The following UTRN variants were observed in gnomAD, a reference collection of about 807,000 sequenced individuals.
The protein encoded by UTRN is utrophin.
Under a neutral mutation model 463.9 loss-of-function variants are expected in UTRN, and 283 were observed. The observed-to-expected ratio is 0.61, with a 90% CI of 0.55 to 0.67. The LOEUF (loss-of-function observed/expected upper bound fraction) is 0.67, where lower values mean the gene tolerates loss of function less well. Among genes scored for constraint, UTRN ranks in the 30% least tolerant of loss-of-function variants. UTRN has a pLI of 0.00. For missense variants in UTRN, 3,922 were observed against 4,084.3 expected (o/e 0.96, Z 1.08); for synonymous variants, 1,442 against 1,431.5 (o/e 1.01, Z -0.17).
chr6:144,700,217 T>G lies in UTRN; in HGVS notation c.7783T>G (p.Leu2595Val), dbSNP rs754752655. Residue 2595 changes from leucine to valine, a missense_variant, in exon 53 of 75, where the codon TTA becomes GTA. This residue lies in a region of UTRN where 1,309 missense variants were observed against 1,452.6 expected (regional missense o/e 0.90). Coordinates refer to ENST00000367545, the MANE Select transcript of UTRN (RefSeq NM_007124.3). ...QMPIGGDVPA[L>V]QLQYDHCKAL... ...GCCTATTGGAGGAGATGTTCCAGCC[T>G]TACAGCTCCAGTATGACCATTGTAA... 3 of 1,613,362 alleles carry G rather than the reference T, an allele frequency of 1.9e-6. No homozygotes were observed. The South Asian group carries it at 3.3e-5, about 18-fold the overall frequency.
intron 23 of UTRN, among the ~76,000 whole-genome samples, chr6:144,465,731 TTATAATAAATATTTATTTG>T (rs1789891067): frequency 6.6e-6 from 1 of 152,168 alleles, no homozygotes; most frequent in African/African-American, 2.4e-5. Flanking sequence ...TATTAGATAA[TTATAATAAATATTTATTTG>T]CAGATTATCA....
chr6:144,423,425 A>G, intron 4 of UTRN, 124 bp from the exon 5 acceptor site: 1 of 908,062 alleles, frequency 1.1e-6, no homozygotes, highest in Admixed American at 2.1e-5. Flanking sequence ...GACCTCAGCC[A>G]GATCTCCTGC....
intron 2 of UTRN, among the ~76,000 whole-genome samples, chr6:144,397,579 G>A (rs189238382): frequency 1.3e-5 from 2 of 152,076 alleles, no homozygotes; most frequent in East Asian, 3.9e-4. Flanking sequence ...AGATGTTATA[G>A]CCCTCTGTGT....
intron 74 of UTRN, 40 bp from the exon 75 acceptor site, chr6:144,850,949 T>C (rs1782442099): frequency 6.2e-7 from 1 of 1,613,104 alleles, no homozygotes; most frequent in African/African-American, 1.3e-5. Flanking sequence ...CTGTAATGTT[T>C]TGTGCAAATT....
At chr6:144,440,253 C>T (rs1787016689) in intron 12 of UTRN, 99 bp from the exon 13 acceptor site, 18 of 1,201,844 alleles carry the variant, frequency 1.5e-5, no homozygotes, top group Non-Finnish European at 2.2e-5. Flanking sequence ...AAATATGATG[C>T]CTCATTAACT....
rs575850879 is a variant in UTRN, at chr6:144,585,584, T to A, written c.7479+8296T>A. Reference sequence around the variant, plus strand: ...AAGTTATTGAGCTATATTAATGTAATGAAATGAAAATTTAGTTGTAGACTT... The same window carrying A: ...AAGTTATTGAGCTATATTAATGTAAAGAAATGAAAATTTAGTTGTAGACTT... On this transcript the variant is annotated intron_variant, in intron 51 of 74. Transcript: ENST00000367545. Among the ~76,000 whole-genome samples the A allele has an allele frequency of 2.0e-5, 3 of 152,270 alleles. No homozygotes were observed. In the South Asian group the frequency reaches 6.2e-4, roughly 32 times the overall value.
At chr6:144,386,394 G>A (rs933659873) in intron 2 of UTRN, among the ~76,000 whole-genome samples, 4 of 152,168 alleles carry the variant, frequency 2.6e-5, no homozygotes, top group African/African-American at 9.7e-5. Flanking sequence ...GGAAGTTGAA[G>A]GCTGCAGTGA....
chr6:144,542,644 G>C, intron 45 of UTRN, 151 bp from the exon 46 acceptor site: 1 of 688,606 alleles, frequency 1.5e-6, no homozygotes. Context: ...AAACAAGATT[G>C]CAATGGAGAG....
Position 144,577,117 on chromosome 6 carries a change from C to T in UTRN, c.7308C>T (p.Asn2436=), listed in dbSNP as rs142302124. 1.5e-5 allele frequency: 24 copies of T among 1,613,382 alleles called. No homozygotes were observed. The highest frequency in any genetic ancestry group is 1.7e-4 in the Middle Eastern group (1 of 6,042). ...CTTTCAGTATTGCTGACAGACAGAA[C>T]GCCTTGGAGGCTGAGTGGAGGACGG... The part of the protein sequence containing the change: ...NLKQSIADRQ[N]ALEAEWRTVQ... Residue 2436 remains asparagine (N), a synonymous_variant, in exon 51 of 75, where the codon AAC becomes AAT. Transcript: ENST00000367545.
intron 41 of UTRN, among the ~76,000 whole-genome samples, chr6:144,526,459 G>A (rs1562526848): frequency 6.6e-6 from 1 of 152,038 alleles, no homozygotes; most frequent in Non-Finnish European, 1.5e-5. Context: ...TTTAACTGCT[G>A]TTGCTTTAAA....
At chr6:144,825,737 A>C (rs1233162735) in intron 66 of UTRN, among the ~76,000 whole-genome samples, 1 of 152,174 alleles carries the variant, frequency 6.6e-6, no homozygotes, top group East Asian at 1.9e-4. Flanking sequence ...TAATCTCTTA[A>C]GCAGTTACTG....
At chr6:144,627,089 G>T (rs1776021478) in intron 51 of UTRN, among the ~76,000 whole-genome samples, 1 of 151,378 alleles carries the variant, frequency 6.6e-6, no homozygotes, top group Non-Finnish European at 1.5e-5. Flanking sequence ...GTGTGTGTGT[G>T]TGCACTACGC....
At chr6:144,328,296 G>T (rs1776107066) in intron 2 of UTRN, among the ~76,000 whole-genome samples, 1 of 152,016 alleles carries the variant, frequency 6.6e-6, no homozygotes, top group Non-Finnish European at 1.5e-5. Context: ...GGGTTGGTTA[G>T]AACTGGGCTT....
rs112079433 is a variant in UTRN at position 144,367,255 on chromosome 6, G to C, written c.80-35868G>C. Among the ~76,000 whole-genome samples the C allele has an allele frequency of 4.3e-3, 655 of 151,878 alleles. 5 individuals carry two copies. Among genetic ancestry groups the C allele is most frequent in the African/African-American group, 0.014 (595 of 41,420 alleles). On this transcript the variant is annotated intron_variant, in intron 2 of 74. Coordinates refer to ENST00000367545, the MANE Select transcript of UTRN (RefSeq NM_007124.3). ...CTGCCTCTGCCTCCCAAAGTGCTGG[G>C]ATTACAGGTGTGAGCCACTGTGCCC...
rs1584823419 is a variant in UTRN at position 144,447,749 on chromosome 6, T to G, written c.1870T>G (p.Leu624Val). Reference sequence around the variant, plus strand: ...GGAACTGACTCAAAGATGGGATTCTTTGGTTCAGAGACTAGAAGATTCCTC... The same window carrying G: ...GGAACTGACTCAAAGATGGGATTCTGTGGTTCAGAGACTAGAAGATTCCTC... Reference protein sequence around the residue: ...SEELTQRWDSLVQRLEDSSNQ... With the variant: ...SEELTQRWDSVVQRLEDSSNQ... Residue 624 changes from leucine (L) to valine (V), a missense_variant, in exon 16 of 75, where the codon TTG (leucine) becomes GTG (valine). Around this residue, in one of 3 missense-constraint regions of UTRN, gnomAD observed 2,349 missense variants for 2,303.8 expected, o/e 1.02. Transcript: ENST00000367545. 5.0e-6 allele frequency: 8 copies of G among 1,613,758 alleles called. No homozygotes were observed. Among genetic ancestry groups the G allele is most frequent in the Non-Finnish European group, 6.8e-6 (8 of 1,179,876 alleles).
chr6:144,599,462 T>C lies in UTRN; in HGVS notation c.7479+22174T>C, dbSNP rs530863769. Among the ~76,000 whole-genome samples the C allele has an allele frequency of 2.0e-5, 3 of 152,288 alleles. No homozygotes were observed. In the South Asian group the frequency reaches 6.2e-4, roughly 32 times the overall value. On this transcript the variant is annotated intron_variant, in intron 51 of 74. Coordinates refer to ENST00000367545, the MANE Select transcript of UTRN (RefSeq NM_007124.3). ...ATGGATATGTCAACTATGCTGAAAC[T>C]TGTTTTTTTTAAATCTCTAAGTTGA... is the stretch of plus-strand genomic sequence containing the variant.
At chr6:144,807,094 A>G (rs1778217648) in intron 65 of UTRN, among the ~76,000 whole-genome samples, 1 of 152,074 alleles carries the variant, frequency 6.6e-6, no homozygotes, top group South Asian at 2.1e-4. Flanking sequence ...TCCCATATGG[A>G]CCTTGATGTT....
At chr6:144,438,007 C>T (rs1398949443) in intron 11 of UTRN, among the ~76,000 whole-genome samples, 1 of 152,228 alleles carries the variant, frequency 6.6e-6, no homozygotes, top group Non-Finnish European at 1.5e-5. Flanking sequence ...TGGCTCATGC[C>T]TGTAATCCCA....
intron 41 of UTRN, among the ~76,000 whole-genome samples, chr6:144,525,177 G>T (rs1796456056): frequency 6.6e-6 from 1 of 152,030 alleles, no homozygotes; most frequent in African/African-American, 2.4e-5. Context: ...CCTGGTTTTG[G>T]TATTAGGGTA....
Sources: gnomAD v4.1 joint callset for allele counts (sites outside exome capture counted in the v4.1 genomes callset) on GRCh38, gnomAD v4.1.1 for gene constraint, gnomAD v4.1.1 regional missense constraint, MANE v1.5 for transcripts, NCBI Gene and HGNC (gene_info 2026-07-23, HGNC 2026-07-21) for gene names.